The following FGL2 variants were observed in gnomAD, a reference collection of about 807,000 sequenced individuals.
FGL2 encodes the protein fibroleukin.
A neutral mutation model predicts 36.0 loss-of-function variants in FGL2; 21 were observed. That is an observed-to-expected ratio of 0.58 (90% CI 0.41 to 0.84). The LOEUF (loss-of-function observed/expected upper bound fraction) is 0.84. Ranked by LOEUF, FGL2 falls within the 40% of genes least tolerant of loss-of-function variation. FGL2 has a pLI of 0.00. For missense variants in FGL2, 444 were observed against 526.3 expected (o/e 0.84, Z 1.53); for synonymous variants, 183 against 190.7 (o/e 0.96, Z 0.33).
intron 1 of FGL2, among the ~76,000 whole-genome samples, chr7:77,197,654 A>T (rs1446037605): frequency 6.6e-6 from 1 of 152,186 alleles, no homozygotes; most frequent in East Asian, 1.9e-4. Context: ...ATTCCAAATG[A>T]TGTGTTAAAA....
Position 77,199,360 on chromosome 7 carries a change from T to G in FGL2, c.434A>C (p.Lys145Thr). 1.2e-6 allele frequency: 2 copies of G among 1,614,102 alleles called. No homozygotes were observed. Among genetic ancestry groups the G allele is most frequent in the Non-Finnish European group, 1.7e-6 (2 of 1,179,952 alleles). Residue 145 changes from lysine (K) to threonine (T), a missense_variant, in exon 1 of 2, where the codon AAG becomes ACG. By Grantham distance (78) the Lys-to-Thr change is moderately conservative. Coordinates refer to ENST00000248598, the MANE Select transcript of FGL2 (RefSeq NM_006682.3). ...SEVNKLSSEL[K>T]NAKEEINVLH... is the part of the protein sequence containing the mutation. ...TACATTGATCTCCTCTTTGGCATTC[T>G]TTAGCTCAGAGGACAGCTTGTTAAC...
chr7:77,198,755 C>G (rs1302546746), intron 1 of FGL2: 1 of 190,556 alleles, frequency 5.2e-6, no homozygotes, highest in East Asian at 1.4e-4. Flanking sequence ...TCAAAGACCT[C>G]TTTAGCCATG....
In FGL2 at chr7:77,195,982, G is replaced by A. The variant is rs767093643; in HGVS notation, c.*297C>T. The A allele has an allele frequency of 4.6e-5, 14 of 303,092 alleles. No individual in the cohort carries two copies. The highest frequency in any genetic ancestry group is 7.9e-5 in the Non-Finnish European group (13 of 164,526). The allele number at this position is 303,092 out of a possible 1,614,324, so 18.8% of individuals were successfully genotyped here. The stretch of plus-strand genomic sequence containing the variant: ...AACAATTATTTTTTAAATACAGCAA[G>A]TAATACAAGCAATAGAAAAAGTTTC... On this transcript the variant is annotated 3_prime_UTR_variant, in exon 2 of 2. Transcript: ENST00000248598.
chr7:77,198,144 G>A (rs1010068849), intron 1 of FGL2: 10 of 985,232 alleles, frequency 1.0e-5, no homozygotes, highest in East Asian at 1.1e-4. Context: ...CCTTGGATTC[G>A]CAGTGTGCCA....
rs180717425 is a variant in FGL2 at position 77,194,404 on chromosome 7, G to A, written c.*1875C>T. 1.3e-5 allele frequency: 2 copies of A among 152,116 alleles called. No homozygotes were observed. The highest frequency in any genetic ancestry group is 4.8e-5 in the African/African-American group (2 of 41,532). The allele number at this position is 152,116 out of a possible 1,614,324, so 9.4% of individuals were successfully genotyped here. ...TTTACATTTGGTATCCCACCTAATA[G>A]AGACACAGCTTTTGAAATCTACAAT... On this transcript the variant is annotated 3_prime_UTR_variant, in exon 2 of 2. Coordinates refer to ENST00000248598, the MANE Select transcript of FGL2 (RefSeq NM_006682.3).
rs1791817254 is a variant in FGL2 at position 77,193,894 on chromosome 7, A to T, written c.*2385T>A. On this transcript the variant is annotated 3_prime_UTR_variant, in exon 2 of 2. Coordinates refer to ENST00000248598, the MANE Select transcript of FGL2 (RefSeq NM_006682.3). ...TTATGAATATTAGCATATATTGGTG[A>T]ATAGTTAAGGCAAAAGGTTCTAGCA... is the stretch of plus-strand genomic sequence containing the variant. 6.6e-6 allele frequency: 1 copy of T among 152,606 alleles called. No homozygotes were observed. Among genetic ancestry groups the T allele is most frequent in the Non-Finnish European group, 1.5e-5 (1 of 67,982 alleles). 9.5% of individuals were successfully genotyped at this position (152,606 alleles called of 1,614,324 possible).
At position 77,193,671 on chromosome 7, in the gene FGL2, A is replaced by G. The variant is rs1002805227; in HGVS notation, c.*2608T>C. ...TCATTAATTCATTTGGAGCATTACT[A>G]TTATCAGTAAAATTTGATTTTTTTT... On this transcript the variant is annotated 3_prime_UTR_variant, in exon 2 of 2. Coordinates refer to ENST00000248598, the MANE Select transcript of FGL2 (RefSeq NM_006682.3). 6.6e-6 allele frequency: 1 copy of G among 152,104 alleles called. No homozygotes were observed. The highest frequency in any genetic ancestry group is 1.5e-5 in the Non-Finnish European group (1 of 67,974). The allele number at this position is 152,104 out of a possible 1,614,324, so 9.4% of individuals were successfully genotyped here.
chr7:77,199,667 G>A lies in FGL2; in HGVS notation c.127C>T (p.Leu43=), dbSNP rs1463763229. The A allele has an allele frequency of 6.2e-7, 1 of 1,614,044 alleles. No homozygotes were observed. Among genetic ancestry groups the A allele is most frequent in the Non-Finnish European group, 8.5e-7 (1 of 1,180,020 alleles). Residue 43 remains leucine (L), a synonymous_variant, in exon 1 of 2, where the codon CTA becomes TTA. Coordinates refer to ENST00000248598, the MANE Select transcript of FGL2 (RefSeq NM_006682.3). Reference sequence around the variant, plus strand: ...TCTTCGCATTTCCCTCTGCTTTCTAGTCTCACTGGGCAGACATCCTTTGCT... The same window carrying A: ...TCTTCGCATTTCCCTCTGCTTTCTAATCTCACTGGGCAGACATCCTTTGCT... The part of the protein sequence containing the change: ...ERAKDVCPVR[L]ESRGKCEEAG...
intron 1 of FGL2, chr7:77,198,007 C>A: frequency 2.7e-6 from 1 of 368,634 alleles, no homozygotes; most frequent in Non-Finnish European, 3.8e-6. Context: ...ATATTTAGAG[C>A]TCAGAATATT....
At position 77,196,933 on chromosome 7, in the gene FGL2, T is replaced by A. The variant is rs147689299; in HGVS notation, c.666A>T (p.Arg222Ser). 2.4e-5 allele frequency: 38 copies of A among 1,613,552 alleles called. No individual in the cohort carries two copies. The highest frequency in any genetic ancestry group is 1.6e-4 in the Middle Eastern group (1 of 6,082). The change falls in exon 2 of 2, where the codon AGA (arginine) becomes AGT (serine). Residue 222 changes from arginine to serine, a missense_variant. Transcript: ENST00000248598. The surrounding 1 kb of genome is among the most constrained non-coding windows in gnomAD (Gnocchi z 4.2). Reference sequence around the variant, plus strand: ...GTGTAACTCTGTAGGTCTCACTGCTTCTTTTGCCTATTGCGTAGTAGTCAG... The same window carrying A: ...GTGTAACTCTGTAGGTCTCACTGCTACTTTTGCCTATTGCGTAGTAGTCAG... ...DCSDYYAIGK[R>S]SSETYRVTPD...
At position 77,199,668 on chromosome 7, in the gene FGL2, T is replaced by G; in HGVS notation, c.126A>C (p.Arg42Ser). 6.2e-7 allele frequency: 1 copy of G among 1,614,220 alleles called. No individual in the cohort carries two copies. Reference sequence around the variant, plus strand: ...CTTCGCATTTCCCTCTGCTTTCTAGTCTCACTGGGCAGACATCCTTTGCTC... The same window carrying G: ...CTTCGCATTTCCCTCTGCTTTCTAGGCTCACTGGGCAGACATCCTTTGCTC... ...DERAKDVCPV[R>S]LESRGKCEEA... The change falls in exon 1 of 2, where the codon AGA (arginine) becomes AGC (serine). Residue 42 changes from arginine (R) to serine (S), a missense_variant. By Grantham distance (110) the Arg-to-Ser change is moderately radical. Transcript: ENST00000248598.
intron 1 of FGL2, among the ~76,000 whole-genome samples, chr7:77,197,462 A>G (rs908796242): frequency 6.6e-6 from 1 of 152,172 alleles, no homozygotes; most frequent in Non-Finnish European, 1.5e-5. Flanking sequence ...CAGGACACTA[A>G]CTCAGATCTG....
rs1791939018 is a variant in FGL2, at chr7:77,199,414, T to C, written c.380A>G (p.Asp127Gly). ...ACTCTCTAATTCTCTAACTCTGTTA[T>C]CACCAACCTCTCCCGGGGCTCCTGT... The part of the protein sequence containing the change: ...PSTGAPGEVG[D>G]NRVRELESEV... Residue 127 changes from aspartate to glycine, a missense_variant, in exon 1 of 2, where the codon GAT becomes GGT. Asp to Gly is a moderately conservative substitution (Grantham distance 94, BLOSUM62 -1). Transcript: ENST00000248598. 3.1e-6 allele frequency: 5 copies of C among 1,614,192 alleles called. No homozygotes were observed. The South Asian group carries it at 4.4e-5, about 14-fold the overall frequency.
chr7:77,199,263 C>G lies in FGL2; in HGVS notation c.531G>C (p.Val177=). The change falls in exon 1 of 2, where the codon GTG becomes GTC. Residue 177 remains valine (V), a synonymous_variant. Coordinates refer to ENST00000248598, the MANE Select transcript of FGL2 (RefSeq NM_006682.3). ...TATTGACAACAAATGTTAGATTTGCCACTTTGCTGTCAACATAATTTTCTA... is the reference window on the plus strand; with the variant it reads ...TATTGACAACAAATGTTAGATTTGCGACTTTGCTGTCAACATAATTTTCTA... ...NNIENYVDSK[V]ANLTFVVNSL... 1 of 1,613,992 alleles carries G rather than the reference C, an allele frequency of 6.2e-7. No individual in the cohort carries two copies. The highest frequency in any genetic ancestry group is 8.5e-7 in the Non-Finnish European group (1 of 1,179,928).
In FGL2 at chr7:77,199,530, G is replaced by A. The variant is rs1200278284; in HGVS notation, c.264C>T (p.Ile88=). Residue 88 remains isoleucine (I), a synonymous_variant, in exon 1 of 2, where the codon ATC becomes ATT. Transcript: ENST00000248598. The part of the protein sequence containing the change: ...VFKEVQNLKE[I]VNSLKKSCQD... ...GGCAAGATTTCTTTAGACTATTTAC[G>A]ATTTCCTTGAGGTTTTGGACTTCTT... is the stretch of plus-strand genomic sequence containing the variant. 3.7e-6 allele frequency: 6 copies of A among 1,614,040 alleles called. No homozygotes were observed. The highest frequency in any genetic ancestry group is 1.3e-5 in the African/African-American group (1 of 75,024).
intron 1 of FGL2, chr7:77,198,110 CA>C (rs751227632): frequency 7.6e-5 from 75 of 985,030 alleles, no homozygotes; most frequent in South Asian, 4.7e-5. Context: ...AATGTATACC[CA>C]CTGATGTCAC....
Position 77,196,510 on chromosome 7 carries a change from A to G in FGL2, c.1089T>C (p.Asn363=). 3 of 1,614,108 alleles carry G rather than the reference A, an allele frequency of 1.9e-6. No homozygotes were observed. Among genetic ancestry groups the G allele is most frequent in the Non-Finnish European group, 2.5e-6 (3 of 1,179,984 alleles). Reference sequence around the variant, plus strand: ...CACAGTTCCCAGAAGGATATCGATCATTGTCTTTATCTGGAGTGGTGAAAA... The same window carrying G: ...CACAGTTCCCAGAAGGATATCGATCGTTGTCTTTATCTGGAGTGGTGAAAA... The part of the protein sequence containing the change: ...LKFFTTPDKD[N]DRYPSGNCGL... The change falls in exon 2 of 2, where the codon AAT becomes AAC. Residue 363 remains asparagine, a synonymous_variant. Coordinates refer to ENST00000248598, the MANE Select transcript of FGL2 (RefSeq NM_006682.3). This position sits in a 1 kb window ranked among gnomAD's most constrained non-coding sequence, Gnocchi z 4.2.
rs1434859574 is a variant in FGL2, at chr7:77,196,824, C to T, written c.775G>A (p.Asp259Asn). The T allele has an allele frequency of 6.2e-6, 10 of 1,614,116 alleles. No homozygotes were observed. Among genetic ancestry groups the T allele is most frequent in the African/African-American group, 2.7e-5 (2 of 75,020 alleles). Reference sequence around the variant, plus strand: ...GTTCTGGTGAAGTTGGTGCTCCCATCGAGACGTGCCTGCAGCACTGTCCAG... The same window carrying T: ...GTTCTGGTGAAGTTGGTGCTCCCATTGAGACGTGCCTGCAGCACTGTCCAG... ...GGWTVLQARL[D>N]GSTNFTRTWQ... The change falls in exon 2 of 2, where the codon GAT becomes AAT. Residue 259 changes from aspartate to asparagine, a missense_variant. By Grantham distance (23) the Asp-to-Asn change is conservative. Coordinates refer to ENST00000248598, the MANE Select transcript of FGL2 (RefSeq NM_006682.3). This position sits in a 1 kb window ranked among gnomAD's most constrained non-coding sequence, Gnocchi z 4.2.
chr7:77,199,192 T>G lies in FGL2; in HGVS notation c.602A>C (p.Gln201Pro). 1.9e-6 allele frequency: 3 copies of G among 1,613,308 alleles called. No homozygotes were observed. Among genetic ancestry groups the G allele is most frequent in the Non-Finnish European group, 2.5e-6 (3 of 1,179,586 alleles). Residue 201 changes from glutamine (Q) to proline (P), a missense_variant, in exon 1 of 2, where the codon CAG becomes CCG. Coordinates refer to ENST00000248598, the MANE Select transcript of FGL2 (RefSeq NM_006682.3). ...CSKCPSQEQIQSRPVQHLIYK... is the reference protein window; with the variant it reads ...CSKCPSQEQIPSRPVQHLIYK... Reference sequence around the variant, plus strand: ...ATTATTATACATACCTGGACGTGACTGTATTTGTTCTTGGCTGGGACACTT... The same window carrying G: ...ATTATTATACATACCTGGACGTGACGGTATTTGTTCTTGGCTGGGACACTT...
Sources: allele counts gnomAD v4.1 joint callset (sites outside exome capture counted in the v4.1 genomes callset), GRCh38; gene constraint gnomAD v4.1.1; non-coding constraint Gnocchi (gnomAD v3.1); transcripts MANE v1.5; gene names NCBI Gene and HGNC (gene_info 2026-07-23, HGNC 2026-07-21).